The following ABCA13 variants were observed in gnomAD, a reference collection of about 807,000 sequenced individuals.
ABCA13 encodes the protein ATP-binding cassette sub-family A member 13.
ABCA13 carries 476 observed loss-of-function variants against 478.7 expected under a neutral mutation model. The ratio of observed to expected loss-of-function variants is 0.99; its 90% CI spans 0.92 to 1.07. The LOEUF is 1.07. ABCA13 is among the 50% of genes least tolerant of loss of function. The probability of loss-of-function intolerance (pLI) is 0.00; values close to 1 mark genes in which losing one functional copy is unlikely to be tolerated. For missense variants in ABCA13, 6,060 were observed against 5,910.6 expected (o/e 1.03, Z -0.83); for synonymous variants, 2,252 against 2,158.9 (o/e 1.04, Z -1.20).
intron 23 of ABCA13, among the ~76,000 whole-genome samples, chr7:48,304,790 A>G (rs959354724): frequency 2.0e-5 from 3 of 152,222 alleles, no homozygotes; most frequent in Non-Finnish European, 2.9e-5. Context: ...GAAAAAAAGG[A>G]ACTGCAGCCA....
chr7:48,626,239 A>C (rs1461469176), intron 59 of ABCA13, among the ~76,000 whole-genome samples: 2 of 152,180 alleles, frequency 1.3e-5, no homozygotes, highest in Non-Finnish European at 2.9e-5. Flanking sequence ...AAAGCCCATG[A>C]GGTAGGAGTT....
chr7:48,560,836 G>A (rs1786378004), intron 55 of ABCA13, among the ~76,000 whole-genome samples: 2 of 152,110 alleles, frequency 1.3e-5, no homozygotes, highest in Admixed American at 6.5e-5. Flanking sequence ...GCCTTTGTAT[G>A]CTTTGACTAT....
At position 48,466,971 on chromosome 7, in the gene ABCA13, C is replaced by G. The variant is rs1826948039; in HGVS notation, c.12831C>G (p.Asn4277Lys). ...ETYFFSSGGD[N>K]LDLTRVLLRK... Reference sequence around the variant, plus strand: ...TGAACAGCAGCAGTGGGGGCGACAACTTGGACCTCACCCGTGTGCTTCTGC... The same window carrying G: ...TGAACAGCAGCAGTGGGGGCGACAAGTTGGACCTCACCCGTGTGCTTCTGC... The change falls in exon 44 of 62, where the codon AAC (asparagine) becomes AAG (lysine). Residue 4277 changes from asparagine to lysine, a missense_variant. Around this residue, in one of 3 missense-constraint regions of ABCA13, gnomAD observed 1,627 missense variants for 1,571.0 expected, o/e 1.04. Transcript: ENST00000435803. The G allele has an allele frequency of 2.5e-6, 4 of 1,613,960 alleles. No individual in the cohort carries two copies. Among genetic ancestry groups the G allele is most frequent in the Non-Finnish European group, 3.4e-6 (4 of 1,179,882 alleles).
At chr7:48,253,812 A>T (rs1030959206) in intron 15 of ABCA13, among the ~76,000 whole-genome samples, 5 of 152,164 alleles carry the variant, frequency 3.3e-5, no homozygotes, top group Admixed American at 3.3e-4. Context: ...CATCTTGAGG[A>T]CTTAAGATGT....
At chr7:48,329,406 T>C (rs1481986254) in intron 27 of ABCA13, among the ~76,000 whole-genome samples, 4 of 152,184 alleles carry the variant, frequency 2.6e-5, no homozygotes, top group Non-Finnish European at 5.9e-5. Flanking sequence ...ATTGAGGACA[T>C]AGGGCATTAT....
In ABCA13 at chr7:48,372,469, AATT is replaced by A. The variant is rs753753585; in HGVS notation, c.11107_11109del (p.Leu3703del). On this transcript the variant is annotated inframe_deletion, in exon 33 of 62. Coordinates refer to ENST00000435803, the MANE Select transcript of ABCA13 (RefSeq NM_152701.5). ...ATAGTTCTATTGGTTCTACATAACCAATTAAGTTTTGTTAATCAGACATTTCTG... is the reference window on the plus strand; with the variant it reads ...ATAGTTCTATTGGTTCTACATAACCAAAGTTTTGTTAATCAGACATTTCTG... 2.5e-6 allele frequency: 4 copies of A among 1,582,500 alleles called. No individual in the cohort carries two copies. In the African/African-American group the frequency reaches 4.1e-5, roughly 16 times the overall value.
intron 57 of ABCA13, 47 bp from the exon 58 acceptor site, chr7:48,594,663 A>G: frequency 6.5e-7 from 1 of 1,545,532 alleles, no homozygotes; most frequent in Non-Finnish European, 8.9e-7. Context: ...GTATATTTCT[A>G]TTTGTGTTTT....
intron 13 of ABCA13, among the ~76,000 whole-genome samples, chr7:48,246,731 G>A (rs754482885): frequency 3.7e-4 from 57 of 152,210 alleles, no homozygotes; most frequent in Middle Eastern, 3.4e-3. Context: ...TTCAATCACC[G>A]ATTTCTTAGC....
intron 59 of ABCA13, among the ~76,000 whole-genome samples, chr7:48,619,623 A>T (rs17132514): frequency 0.13 from 19,667 of 152,196 alleles, 1,698 homozygotes; most frequent in Admixed American, 0.22. Context: ...TGACATCACA[A>T]GGCCTAACAG....
chr7:48,450,817 A>G (rs1335708369), intron 42 of ABCA13, among the ~76,000 whole-genome samples: 1 of 152,056 alleles, frequency 6.6e-6, no homozygotes. Context: ...AAATTGCTTT[A>G]TTCACTTACA....
chr7:48,324,997 C>A (rs990595331), intron 27 of ABCA13, among the ~76,000 whole-genome samples: 1 of 152,210 alleles, frequency 6.6e-6, no homozygotes, highest in Non-Finnish European at 1.5e-5. Flanking sequence ...TTGAGCTAAA[C>A]GTTACTTCCC....
At chr7:48,501,658 T>C (rs1158833244) in intron 48 of ABCA13, among the ~76,000 whole-genome samples, 1 of 152,164 alleles carries the variant, frequency 6.6e-6, no homozygotes, top group Non-Finnish European at 1.5e-5. Context: ...ACAGAGCTCA[T>C]GGAAGATTAC....
intron 17 of ABCA13, among the ~76,000 whole-genome samples, chr7:48,277,515 G>A (rs770839591): frequency 6.6e-6 from 1 of 152,148 alleles, no homozygotes; most frequent in African/African-American, 2.4e-5. Context: ...GTTAGTGTTC[G>A]ATTGAATAGC....
intron 39 of ABCA13, chr7:48,404,211 C>G (rs767426418): frequency 3.1e-6 from 1 of 324,716 alleles, no homozygotes; most frequent in East Asian, 8.0e-5. Flanking sequence ...ATAGGACAAG[C>G]CTCCCTTGTC....
chr7:48,384,604 T>A (rs1585100007), intron 35 of ABCA13, among the ~76,000 whole-genome samples: 1 of 152,220 alleles, frequency 6.6e-6, no homozygotes. Flanking sequence ...ATGCTGGCTG[T>A]GATATGACCT....
At chr7:48,271,550 T>C (rs1306674406) in intron 16 of ABCA13, among the ~76,000 whole-genome samples, 2 of 152,190 alleles carry the variant, frequency 1.3e-5, no homozygotes, top group Non-Finnish European at 2.9e-5. Flanking sequence ...GGAAAATAAT[T>C]GAGAATGCTT....
intron 38 of ABCA13, among the ~76,000 whole-genome samples, chr7:48,395,093 C>T (rs1386438767): frequency 1.3e-5 from 2 of 152,204 alleles, no homozygotes; most frequent in Non-Finnish European, 2.9e-5. Flanking sequence ...CAGGCCTGTG[C>T]ACAGGCACAT....
rs1222935956 is a variant in ABCA13, at chr7:48,645,475, C to G, written c.15140C>G (p.Ser5047Cys). 3 of 1,589,866 alleles carry G rather than the reference C, an allele frequency of 1.9e-6. No individual in the cohort carries two copies. The highest frequency in any genetic ancestry group is 2.6e-6 in the Non-Finnish European group (3 of 1,167,086). Residue 5047 changes from serine to cysteine, a missense_variant, in exon 62 of 62, where the codon TCC becomes TGC. Around this residue, in one of 3 missense-constraint regions of ABCA13, gnomAD observed 1,627 missense variants for 1,571.0 expected, o/e 1.04. Transcript: ENST00000435803. ...ACTCTACAATCTACTCTTGATCCAT[C>G]CACTGACAGTCACCACACACATCAC... ...QQTLQSTLDP[S>C]TDSHHTHHLP...
intron 42 of ABCA13, among the ~76,000 whole-genome samples, chr7:48,441,941 A>G (rs1823657792): frequency 6.6e-6 from 1 of 152,178 alleles, no homozygotes; most frequent in Non-Finnish European, 1.5e-5. Flanking sequence ...TGAAACCTAC[A>G]AAAGAACTGT....
Sources: allele counts gnomAD v4.1 joint callset (sites outside exome capture counted in the v4.1 genomes callset), GRCh38; gene constraint gnomAD v4.1.1; regional missense constraint gnomAD v4.1.1; transcripts MANE v1.5; gene names NCBI Gene and HGNC (gene_info 2026-07-23, HGNC 2026-07-21).